E2F2: variants seen among roughly 807,000 people sequenced by gnomAD.
The protein encoded by E2F2 is transcription factor E2F2.
In E2F2, 22 loss-of-function variants were observed where a neutral mutation model predicts 42.2. That is an observed-to-expected ratio of 0.52 (90% CI 0.37 to 0.74). The LOEUF (loss-of-function observed/expected upper bound fraction) is 0.74, where lower values mean the gene tolerates loss of function less well. Among genes scored for constraint, E2F2 ranks in the 30% least tolerant of loss-of-function variants. E2F2 has a pLI of 0.00. For missense variants in E2F2, 481 were observed against 557.8 expected, an observed-to-expected ratio of 0.86 and a Z score of 1.39; for synonymous variants, 248 against 251.6, an observed-to-expected ratio of 0.99 and a Z score of 0.13.
chr1:23,521,550 A>G (rs2038027), intron 3 of E2F2: 538,135 of 984,788 alleles, frequency 0.55, 148,077 homozygotes, highest in East Asian at 0.84. Context: ...GAAGAATCTG[A>G]GGTTCCCTTT....
intron 2 of E2F2, among the ~76,000 whole-genome samples, 186 bp from the exon 3 acceptor site, chr1:23,522,242 G>T (rs922543110): frequency 1.2e-4 from 18 of 152,222 alleles, no homozygotes; most frequent in Non-Finnish European, 2.9e-5. Context: ...AAGAGGGAAG[G>T]TGACTTGCTT....
At position 23,530,644 on chromosome 1, in the gene E2F2, C is replaced by G. The variant is rs955144521; in HGVS notation, c.150G>C (p.Pro50=). The part of the protein sequence containing the change: ...ATATYYTPLY[P]QTAPPAAAPG... Reference sequence around the variant, plus strand: ...GCGCCGCTGCGGGAGGCGCCGTCTGCGGGTACAGCGGTGTGTAGTAGGTAG... The same window carrying G: ...GCGCCGCTGCGGGAGGCGCCGTCTGGGGGTACAGCGGTGTGTAGTAGGTAG... The change falls in exon 1 of 7, where the codon CCG becomes CCC. Residue 50 remains proline (P), a synonymous_variant. Coordinates refer to ENST00000361729, the MANE Select transcript of E2F2 (RefSeq NM_004091.4). The surrounding 1 kb of genome is among the most constrained non-coding windows in gnomAD (Gnocchi z 4.4). The G allele has an allele frequency of 4.3e-6, 7 of 1,613,136 alleles. No individual in the cohort carries two copies. In the African/African-American group the frequency reaches 8.0e-5, roughly 18 times the overall value.
At position 23,530,074 on chromosome 1, in the gene E2F2, T is replaced by C. The variant is rs1046224005; in HGVS notation, c.252+468A>G. Among the ~76,000 whole-genome samples, 2 of 151,890 alleles carry C rather than the reference T, an allele frequency of 1.3e-5. No homozygotes were observed. Among genetic ancestry groups the C allele is most frequent in the Admixed American group, 6.6e-5 (1 of 15,244 alleles). On this transcript the variant is annotated intron_variant, in intron 1 of 6. Coordinates refer to ENST00000361729, the MANE Select transcript of E2F2 (RefSeq NM_004091.4). This position sits in a 1 kb window ranked among gnomAD's most constrained non-coding sequence, Gnocchi z 4.4. ...CAGGAGCTGGCTGGACAATTTGGAG[T>C]CTGTCCATGGCAGATTGGATGTGAG...
At chr1:23,520,852 T>C in intron 4 of E2F2, 61 bp downstream of exon 4, 1 of 1,451,640 alleles carries the variant, frequency 6.9e-7, no homozygotes, top group Non-Finnish European at 9.1e-7. Context: ...CAACTCAGGA[T>C]AGATATAAAC....
At chr1:23,526,372 G>A (rs1045000152) in intron 1 of E2F2, among the ~76,000 whole-genome samples, 3 of 151,994 alleles carry the variant, frequency 2.0e-5, no homozygotes, top group Non-Finnish European at 2.9e-5. Context: ...GGAGCTCCGA[G>A]GCCTCCATCA....
Position 23,509,917 on chromosome 1 carries a change from A to G in E2F2, c.1277T>C (p.Phe426Ser). 1 of 1,592,040 alleles carries G rather than the reference A, an allele frequency of 6.3e-7. No homozygotes were observed. The highest frequency in any genetic ancestry group is 8.6e-7 in the Non-Finnish European group (1 of 1,167,544). The change falls in exon 7 of 7, where the codon TTC becomes TCC. Residue 426 changes from phenylalanine (F) to serine (S), a missense_variant. Coordinates refer to ENST00000361729, the MANE Select transcript of E2F2 (RefSeq NM_004091.4). ...CAGGTCCCCAAGGTCGTAGGAGTCG[A>G]AGAGATCGCTGATGCCCTCACCCGC... ...LEAGEGISDL[F>S]DSYDLGDLLI...
At position 23,507,323 on chromosome 1, in the gene E2F2, CCTGA is replaced by C. The variant is rs1323279488; in HGVS notation, c.*2553_*2556del. 6.6e-6 allele frequency: 1 copy of C among 152,154 alleles called. No individual in the cohort carries two copies. The highest frequency in any genetic ancestry group is 6.6e-5 in the Admixed American group (1 of 15,246). 9.4% of individuals were successfully genotyped at this position (152,154 alleles called of 1,614,324 possible). On this transcript the variant is annotated 3_prime_UTR_variant, in exon 7 of 7. Transcript: ENST00000361729. ...CTTGAGGTCAGGAGTTCAAGACCAG[CCTGA>C]CTAACATGGCAAAACCCCGTCTCGA...
chr1:23,520,882 CCT>C, intron 4 of E2F2, 29 bp downstream of exon 4: 3 of 1,527,532 alleles, frequency 2.0e-6, no homozygotes, highest in Non-Finnish European at 2.6e-6. Context: ...GTTCCTGCTC[CCT>C]GACACCTTCC....
chr1:23,525,531 A>G (rs367939001), intron 1 of E2F2, among the ~76,000 whole-genome samples: 4 of 152,270 alleles, frequency 2.6e-5, no homozygotes, highest in African/African-American at 9.6e-5. Flanking sequence ...TGCCTACCTC[A>G]AGGGGCTATT....
intron 6 of E2F2, among the ~76,000 whole-genome samples, chr1:23,514,817 C>T (rs1329353344): frequency 1.6e-5 from 2 of 127,634 alleles, no homozygotes; most frequent in African/African-American, 3.2e-5. Context: ...AGCCTGGTGA[C>T]GGAGCGAGAC....
At chr1:23,526,298 T>A (rs1008577288) in intron 1 of E2F2, among the ~76,000 whole-genome samples, 1 of 152,156 alleles carries the variant, frequency 6.6e-6, no homozygotes, top group Non-Finnish European at 1.5e-5. Context: ...CCAACATTCA[T>A]CACTTCACTG....
At position 23,510,152 on chromosome 1, in the gene E2F2, G is replaced by T; in HGVS notation, c.1046-4C>A. 1 of 1,588,218 alleles carries T rather than the reference G, an allele frequency of 6.3e-7. No homozygotes were observed. The highest frequency in any genetic ancestry group is 2.3e-5 in the East Asian group (1 of 44,012). Reference sequence around the variant, plus strand: ...GGGGTTGGCGCTGGTGCTGGCACTGGAGACAAACAGACAAAGGTTACGCCT... The same window carrying T: ...GGGGTTGGCGCTGGTGCTGGCACTGTAGACAAACAGACAAAGGTTACGCCT... On this transcript the variant is annotated splice_polypyrimidine_tract_variant and splice_region_variant and intron_variant, in intron 6 of 6. Transcript: ENST00000361729.
In E2F2 at chr1:23,516,393, G is replaced by C; in HGVS notation, c.987C>G (p.Asp329Glu). 6.3e-7 allele frequency: 1 copy of C among 1,594,068 alleles called. No individual in the cohort carries two copies. Among genetic ancestry groups the C allele is most frequent in the Non-Finnish European group, 8.5e-7 (1 of 1,171,748 alleles). ...PSTSTLCPSPDSAQPSSSTDP... is the reference protein window; with the variant it reads ...PSTSTLCPSPESAQPSSSTDP... The stretch of plus-strand genomic sequence containing the variant: ...CGGTGCTGCTGCTGGGCTGGGCAGA[G>C]TCAGGGCTGGGGCAGAGGGTGGAGG... Residue 329 changes from aspartate to glutamate, a missense_variant, in exon 6 of 7, where the codon GAC becomes GAG. Coordinates refer to ENST00000361729, the MANE Select transcript of E2F2 (RefSeq NM_004091.4).
chr1:23,524,243 T>TG (rs1643209660), intron 2 of E2F2, 140 bp downstream of exon 2: 1 of 649,276 alleles, frequency 1.5e-6, no homozygotes, highest in Non-Finnish European at 2.5e-6. Context: ...CCTACCTACC[T>TG]GGCAGGATCA....
At chr1:23,506,301 T>A (rs752010907), downstream of E2F2, 32 of 152,194 alleles carry the variant, frequency 2.1e-4, no homozygotes, top group Admixed American at 2.1e-3. Context: ...AGAGACTGTA[T>A]CTTGGAGGGA....
At chr1:23,524,089 C>CAAAAAAAA (rs1320072066) in intron 2 of E2F2, among the ~76,000 whole-genome samples, 6 of 58,650 alleles carry the variant, frequency 1.0e-4, no homozygotes, top group East Asian at 1.0e-3. Flanking sequence ...ACAACAACAA[C>CAAAAAAAA]AACAACAACA....
chr1:23,526,037 TC>T (rs1226052631), intron 1 of E2F2, among the ~76,000 whole-genome samples: 1 of 151,986 alleles, frequency 6.6e-6, no homozygotes, highest in Non-Finnish European at 1.5e-5. Flanking sequence ...CAGGAAGTCT[TC>T]CTGGGCTGAT....
Position 23,530,639 on chromosome 1 carries a change from G to C in E2F2, c.155C>G (p.Thr52Arg), listed in dbSNP as rs768422081. 6.2e-7 allele frequency: 1 copy of C among 1,613,290 alleles called. No homozygotes were observed. The change falls in exon 1 of 7, where the codon ACG becomes AGG. Residue 52 changes from threonine to arginine, a missense_variant. Coordinates refer to ENST00000361729, the MANE Select transcript of E2F2 (RefSeq NM_004091.4). This position sits in a 1 kb window ranked among gnomAD's most constrained non-coding sequence, Gnocchi z 4.4. ...GCCTGGCGCCGCTGCGGGAGGCGCCGTCTGCGGGTACAGCGGTGTGTAGTA... is the reference window on the plus strand; with the variant it reads ...GCCTGGCGCCGCTGCGGGAGGCGCCCTCTGCGGGTACAGCGGTGTGTAGTA... ...ATYYTPLYPQ[T>R]APPAAAPGTC...
In E2F2 at chr1:23,530,739, C is replaced by A. The variant is rs1268086963; in HGVS notation, c.55G>T (p.Val19Leu). 6.3e-7 allele frequency: 1 copy of A among 1,596,492 alleles called. No individual in the cohort carries two copies. The highest frequency in any genetic ancestry group is 1.8e-5 in the Admixed American group (1 of 56,986). The change falls in exon 1 of 7, where the codon GTG (valine) becomes TTG (leucine). Residue 19 changes from valine (V) to leucine (L), a missense_variant. Physicochemically the swap from Val to Leu is conservative, Grantham distance 32. Coordinates refer to ENST00000361729, the MANE Select transcript of E2F2 (RefSeq NM_004091.4). The surrounding 1 kb of genome is among the most constrained non-coding windows in gnomAD (Gnocchi z 4.4). ...AGCTCTGTGGGGCTCATCGCGGGCA[C>A]CACCTTCGGGGTCTGCCCAGCGGCC... Reference protein sequence around the residue: ...ASAAGQTPKVVPAMSPTELWP... With the variant: ...ASAAGQTPKVLPAMSPTELWP...
Sources: gnomAD v4.1 joint callset for allele counts (sites outside exome capture counted in the v4.1 genomes callset) on GRCh38, gnomAD v4.1.1 for gene constraint, Gnocchi (gnomAD v3.1) non-coding constraint, MANE v1.5 for transcripts, NCBI Gene and HGNC (gene_info 2026-07-23, HGNC 2026-07-21) for gene names.